The following LUZP2 variants were observed in gnomAD, a reference collection of about 807,000 sequenced individuals.
LUZP2 encodes the protein leucine zipper protein 2.
A neutral mutation model predicts 51.6 loss-of-function variants in LUZP2; 52 were observed. That is an observed-to-expected ratio of 1.01 (90% CI 0.81 to 1.27). The LOEUF is 1.27. LUZP2 is among the 50% of genes most tolerant of loss of function. The pLI is 0.00. For synonymous variants in LUZP2, 154 were observed against 137.3 expected (o/e 1.12, Z -0.85); for missense variants, 436 against 395.4 (o/e 1.10, Z -0.87).
At chr11:24,558,017 GC>G (rs1851921611) in intron 1 of LUZP2, among the ~76,000 whole-genome samples, 2 of 152,194 alleles carry the variant, frequency 1.3e-5, no homozygotes, top group East Asian at 3.9e-4. Flanking sequence ...GGGAAAATCT[GC>G]CCTCAATATG....
intron 5 of LUZP2, among the ~76,000 whole-genome samples, chr11:24,783,495 T>A (rs746616746): frequency 6.6e-6 from 1 of 152,044 alleles, no homozygotes; most frequent in Non-Finnish European, 1.5e-5. Flanking sequence ...ATCTCAGTTA[T>A]CAATTAATAC....
chr11:25,037,144 G>A (rs1218294410), intron 9 of LUZP2, among the ~76,000 whole-genome samples: 1 of 152,010 alleles, frequency 6.6e-6, no homozygotes, highest in African/African-American at 2.4e-5. Flanking sequence ...TTCAGTGTTG[G>A]GTGTGCATAT....
intron 3 of LUZP2, among the ~76,000 whole-genome samples, chr11:24,733,543 C>T (rs1397470823): frequency 6.6e-6 from 1 of 151,638 alleles, no homozygotes; most frequent in Admixed American, 6.6e-5. Flanking sequence ...ACCACCTAAT[C>T]TCACTCTTAT....
intron 7 of LUZP2, among the ~76,000 whole-genome samples, chr11:24,920,108 T>C (rs1853988417): frequency 6.6e-6 from 1 of 151,796 alleles, no homozygotes; most frequent in Non-Finnish European, 1.5e-5. Context: ...GAGGTAGGGG[T>C]AAATTAAAAA....
chr11:24,539,191 T>A (rs1851279841), intron 1 of LUZP2, among the ~76,000 whole-genome samples: 1 of 151,898 alleles, frequency 6.6e-6, no homozygotes, highest in African/African-American at 2.4e-5. Context: ...AATGTTCTTC[T>A]CTTGTTAGAA....
intron 1 of LUZP2, among the ~76,000 whole-genome samples, chr11:24,728,907 C>T (rs1050805025): frequency 2.0e-5 from 3 of 151,896 alleles, no homozygotes; most frequent in African/African-American, 7.2e-5. Context: ...GTCTTACATG[C>T]AGCAGGGAAG....
At chr11:24,682,393 G>T (rs7394678) in intron 1 of LUZP2, among the ~76,000 whole-genome samples, 27,842 of 151,306 alleles carry the variant, frequency 0.18, 2,614 homozygotes, top group East Asian at 0.32. Context: ...TACTCGGGAG[G>T]CTGAGGCAGG....
At chr11:24,770,893 A>G (rs1590490128) in intron 5 of LUZP2, among the ~76,000 whole-genome samples, 1 of 152,200 alleles carries the variant, frequency 6.6e-6, no homozygotes, top group Non-Finnish European at 1.5e-5. Context: ...AGAAAGCACT[A>G]CCTCCGCCTG....
At chr11:25,014,623 A>T (rs191817789) in intron 9 of LUZP2, among the ~76,000 whole-genome samples, 13,752 of 151,974 alleles carry the variant, frequency 0.09, 1,821 homozygotes, top group African/African-American at 0.28. Context: ...TAAATTTGTT[A>T]GAGTTCATTG....
In LUZP2 at chr11:24,859,215, C is replaced by A. The variant is rs576468227; in HGVS notation, c.397-46776C>A. Among the ~76,000 whole-genome samples, 3 of 151,956 alleles carry A rather than the reference C, an allele frequency of 2.0e-5. No homozygotes were observed. The South Asian group carries it at 6.2e-4, about 32-fold the overall frequency. On this transcript the variant is annotated intron_variant, in intron 5 of 11. Transcript: ENST00000336930. Reference sequence around the variant, plus strand: ...ATTAAGTCATCTTATTTTATTAATTCAAATTACAATTTAAATTTTAATAAG... The same window carrying A: ...ATTAAGTCATCTTATTTTATTAATTAAAATTACAATTTAAATTTTAATAAG...
At chr11:24,904,783 A>G (rs918774176) in intron 5 of LUZP2, among the ~76,000 whole-genome samples, 1 of 152,292 alleles carries the variant, frequency 6.6e-6, no homozygotes, top group African/African-American at 2.4e-5. Context: ...AACCTTGACT[A>G]TAAATAAACT....
At chr11:24,599,761 GATATTTGTTAAT>G (rs951494381) in intron 1 of LUZP2, among the ~76,000 whole-genome samples, 63 of 152,152 alleles carry the variant, frequency 4.1e-4, no homozygotes, top group African/African-American at 1.3e-3. Context: ...GATATACTGA[GATATTTGTTAAT>G]ATATTCTTAC....
intron 5 of LUZP2, among the ~76,000 whole-genome samples, chr11:24,833,319 T>C (rs1403270198): frequency 6.6e-6 from 1 of 152,144 alleles, no homozygotes; most frequent in Non-Finnish European, 1.5e-5. Context: ...AAGATAATAT[T>C]CACCAAAACA....
At chr11:24,627,400 G>C (rs904613224) in intron 1 of LUZP2, among the ~76,000 whole-genome samples, 2 of 152,152 alleles carry the variant, frequency 1.3e-5, no homozygotes, top group African/African-American at 4.8e-5. Flanking sequence ...TGTTGTGGGG[G>C]ACCAGGCTTT....
At chr11:24,929,601 T>G (rs778753443) in intron 7 of LUZP2, among the ~76,000 whole-genome samples, 1 of 152,136 alleles carries the variant, frequency 6.6e-6, no homozygotes, top group Admixed American at 6.6e-5. Flanking sequence ...ATAATTTTGA[T>G]TTTCTTAAAT....
At chr11:24,606,602 A>T (rs923307301) in intron 1 of LUZP2, among the ~76,000 whole-genome samples, 15 of 151,972 alleles carry the variant, frequency 9.9e-5, no homozygotes, top group Non-Finnish European at 2.2e-4. Flanking sequence ...TGCAGTGAAC[A>T]TGGGGGTGAG....
At chr11:24,529,774 T>G (rs887524013) in intron 1 of LUZP2, among the ~76,000 whole-genome samples, 2 of 151,022 alleles carry the variant, frequency 1.3e-5, no homozygotes, top group African/African-American at 2.4e-5. Context: ...TGTCAGTCAT[T>G]AAATATAGAT....
chr11:24,569,034 G>A (rs1876822), intron 1 of LUZP2, among the ~76,000 whole-genome samples: 61,256 of 151,744 alleles, frequency 0.4, 12,817 homozygotes, highest in Middle Eastern at 0.5. Context: ...AGAAGTTAAA[G>A]TTTCTAAAAT....
At chr11:24,832,859 T>C (rs1361813138) in intron 5 of LUZP2, among the ~76,000 whole-genome samples, 1 of 152,126 alleles carries the variant, frequency 6.6e-6, no homozygotes. Context: ...AATGGACAGA[T>C]AGATAGATAA....
Sources: gnomAD v4.1 joint callset for allele counts (sites outside exome capture counted in the v4.1 genomes callset) on GRCh38, gnomAD v4.1.1 for gene constraint, MANE v1.5 for transcripts, NCBI Gene and HGNC (gene_info 2026-07-23, HGNC 2026-07-21) for gene names.